Variants in RGS6 observed in about 807,000 individuals in gnomAD.
RGS6 encodes regulator of G protein signaling 6.
A neutral mutation model predicts 78.5 loss-of-function variants in RGS6; 30 were observed. That is an observed-to-expected ratio of 0.38 (90% CI 0.29 to 0.52). The LOEUF (loss-of-function observed/expected upper bound fraction) is 0.52. RGS6 is among the 20% of genes least tolerant of loss of function. The pLI is 0.85. For synonymous variants in RGS6, 206 were observed against 206.0 expected, an observed-to-expected ratio of 1.00 and a Z score of 0.00; for missense variants, 495 against 609.7, an observed-to-expected ratio of 0.81 and a Z score of 1.98.
chr14:72,365,480 C>T (rs2082286620), intron 3 of RGS6, among the ~76,000 whole-genome samples: 1 of 152,176 alleles, frequency 6.6e-6, no homozygotes, highest in Admixed American at 6.5e-5. Context: ...TGTTTGTTTA[C>T]AACCTTCCTA....
intron 2 of RGS6, among the ~76,000 whole-genome samples, chr14:72,072,236 C>G (rs1439176077): frequency 1.3e-5 from 2 of 151,858 alleles, no homozygotes; most frequent in Non-Finnish European, 2.9e-5. Context: ...TTCTCCTTCT[C>G]TAATCTAAAA....
At position 72,050,682 on chromosome 14, in the gene RGS6, AC is replaced by A. The variant is rs1258163979; in HGVS notation, c.84+85809del. On this transcript the variant is annotated intron_variant, in intron 2 of 17. Transcript: ENST00000553525. ...TTCTCCTCTAGCAGGGAATCAATATACCGTTGACCCTTGAACAACACGGGTT... is the reference window on the plus strand; with the variant it reads ...TTCTCCTCTAGCAGGGAATCAATATACGTTGACCCTTGAACAACACGGGTT... 7.2e-5 allele frequency among the ~76,000 whole-genome samples: 11 copies of A among 152,360 alleles called. No homozygotes were observed. In the East Asian group the frequency reaches 2.1e-3, roughly 29 times the overall value.
chr14:71,981,098 G>T (rs2094427930), intron 2 of RGS6, among the ~76,000 whole-genome samples: 1 of 149,690 alleles, frequency 6.7e-6, no homozygotes. Context: ...GTCGAGCCTT[G>T]GTTTTCAGCT....
chr14:72,262,374 C>T (rs1038986630), intron 2 of RGS6, among the ~76,000 whole-genome samples: 6 of 152,212 alleles, frequency 3.9e-5, no homozygotes, highest in Middle Eastern at 3.2e-3. Flanking sequence ...CAGAATCCCA[C>T]CTTCTCACTG....
intron 3 of RGS6, among the ~76,000 whole-genome samples, chr14:72,375,459 C>T (rs113645018): frequency 0.02 from 3,092 of 152,280 alleles, 46 homozygotes; most frequent in African/African-American, 0.047. Flanking sequence ...CTGGCAGACA[C>T]GTCCCTAGGC....
intron 17 of RGS6, among the ~76,000 whole-genome samples, chr14:72,544,709 G>A (rs1320832189): frequency 6.6e-6 from 1 of 152,178 alleles, no homozygotes. Flanking sequence ...ATGGGGAGCG[G>A]GAAGCTCTGG....
intron 13 of RGS6, among the ~76,000 whole-genome samples, chr14:72,503,426 C>A (rs532184628): frequency 2.6e-5 from 4 of 152,288 alleles, no homozygotes; most frequent in African/African-American, 9.6e-5. Flanking sequence ...ATCTGAATAT[C>A]ATCTAAATCA....
chr14:72,097,745 G>T (rs1365405396), intron 2 of RGS6, among the ~76,000 whole-genome samples: 1 of 151,798 alleles, frequency 6.6e-6, no homozygotes, highest in Non-Finnish European at 1.5e-5. Flanking sequence ...TCTGCATGCA[G>T]CCCACCTCTT....
At chr14:72,436,741 T>C (rs1230608311) in intron 3 of RGS6, among the ~76,000 whole-genome samples, 1 of 152,180 alleles carries the variant, frequency 6.6e-6, no homozygotes, top group Admixed American at 6.5e-5. Flanking sequence ...AAGTCAGAGG[T>C]GGACCTAAAA....
At chr14:72,518,266 A>G in intron 14 of RGS6, 85 bp from the exon 15 acceptor site, 1 of 1,324,332 alleles carries the variant, frequency 7.6e-7, no homozygotes, top group South Asian at 1.4e-5. Context: ...AATGGGTTTC[A>G]TGGGACATCA....
chr14:72,567,504 A>G (rs116025231), downstream of RGS6, among the ~76,000 whole-genome samples: 1,154 of 152,296 alleles, frequency 7.6e-3, 12 homozygotes, highest in African/African-American at 0.026. Context: ...CAGAATCAAG[A>G]TGGAGATTTG....
At chr14:72,468,829 A>C (rs1225578644) in intron 7 of RGS6, among the ~76,000 whole-genome samples, 1 of 152,210 alleles carries the variant, frequency 6.6e-6, no homozygotes, top group East Asian at 1.9e-4. Flanking sequence ...TGGAAGAGTC[A>C]CAAAGACAGT....
intron 13 of RGS6, among the ~76,000 whole-genome samples, chr14:72,506,514 G>T (rs1451480570): frequency 1.3e-5 from 2 of 152,186 alleles, no homozygotes; most frequent in Non-Finnish European, 2.9e-5. Context: ...ACCTTGAAGT[G>T]GATGATATTG....
chr14:72,023,849 C>T (rs1472272491), intron 2 of RGS6, among the ~76,000 whole-genome samples: 1 of 152,180 alleles, frequency 6.6e-6, no homozygotes, highest in Non-Finnish European at 1.5e-5. Flanking sequence ...TTTACAAATG[C>T]ATCTCCTCAG....
chr14:72,537,466 G>A, intron 16 of RGS6: 1 of 702,274 alleles, frequency 1.4e-6, no homozygotes, highest in East Asian at 2.7e-5. Context: ...AGGACTTCTG[G>A]GGTATCCCAG....
At chr14:72,350,908 A>C (rs113543991) in intron 2 of RGS6, among the ~76,000 whole-genome samples, 3,504 of 152,278 alleles carry the variant, frequency 0.023, 63 homozygotes, top group African/African-American at 0.052. Flanking sequence ...GCACATAATA[A>C]ATTTTTAATA....
At chr14:72,036,637 G>A (rs1037174703) in intron 2 of RGS6, among the ~76,000 whole-genome samples, 1 of 152,106 alleles carries the variant, frequency 6.6e-6, no homozygotes, top group African/African-American at 2.4e-5. Flanking sequence ...TGAAGTGTCT[G>A]TTCAGGTCTT....
At chr14:72,179,247 C>G (rs1405421430) in intron 2 of RGS6, among the ~76,000 whole-genome samples, 1 of 152,154 alleles carries the variant, frequency 6.6e-6, no homozygotes, top group Non-Finnish European at 1.5e-5. Flanking sequence ...AAATGCATGC[C>G]TAATCTGCAT....
At chr14:72,375,373 C>T (rs1242478248) in intron 3 of RGS6, among the ~76,000 whole-genome samples, 1 of 152,284 alleles carries the variant, frequency 6.6e-6, no homozygotes, top group South Asian at 2.1e-4. Flanking sequence ...AAAGAATCTT[C>T]AAAATGACTA....
Sources: gnomAD v4.1 joint callset for allele counts (sites outside exome capture counted in the v4.1 genomes callset) on GRCh38, gnomAD v4.1.1 for gene constraint, MANE v1.5 for transcripts, NCBI Gene and HGNC (gene_info 2026-07-23, HGNC 2026-07-21) for gene names.